LAMA2: variants seen among roughly 807,000 people sequenced by gnomAD.
LAMA2 encodes laminin subunit alpha 2, also known as laminin subunit alpha-2.
LAMA2 carries 269 observed loss-of-function variants against 364.8 expected under a neutral mutation model. That is an observed-to-expected ratio of 0.74 (90% confidence interval 0.67 to 0.82). The LOEUF (loss-of-function observed/expected upper bound fraction) is 0.82. LAMA2 is among the 40% of genes least tolerant of loss of function. The pLI is 0.00. For missense variants in LAMA2, 3,807 were observed against 3,873.2 expected (o/e 0.98, Z 0.45); for synonymous variants, 1,379 against 1,370.6 (o/e 1.01, Z -0.14).
Position 129,084,299 on chromosome 6 carries a change from T to G in LAMA2, c.397-13874T>G, listed in dbSNP as rs902590030. 2.0e-5 allele frequency among the ~76,000 whole-genome samples: 3 copies of G among 152,302 alleles called. No individual in the cohort carries two copies. In the South Asian group the frequency reaches 6.2e-4, roughly 32 times the overall value. On this transcript the variant is annotated intron_variant, in intron 3 of 64. Coordinates refer to ENST00000421865, the MANE Select transcript of LAMA2 (RefSeq NM_000426.4). Reference sequence around the variant, plus strand: ...TCTCTTTTCAACCTCCTAAAAAGATTACTGAGAATGTAGATATTTAAATGT... The same window carrying G: ...TCTCTTTTCAACCTCCTAAAAAGATGACTGAGAATGTAGATATTTAAATGT...
intron 1 of LAMA2, among the ~76,000 whole-genome samples, chr6:128,886,068 G>A (rs140818022): frequency 4.6e-5 from 7 of 152,254 alleles, no homozygotes; most frequent in East Asian, 3.9e-4. Flanking sequence ...AGGTCAATCC[G>A]GAAAGAAGTC....
chr6:129,100,958 A>G (rs1296896794), intron 4 of LAMA2, among the ~76,000 whole-genome samples: 3 of 152,216 alleles, frequency 2.0e-5, no homozygotes, highest in African/African-American at 7.2e-5. Flanking sequence ...AAAGTTTTGG[A>G]TACTTTTCTC....
chr6:129,110,009 T>C lies in LAMA2; in HGVS notation c.639+11594T>C, dbSNP rs189324218. Among the ~76,000 whole-genome samples the C allele has an allele frequency of 2.7e-3, 415 of 152,128 alleles. 1 individual carries two copies. Among genetic ancestry groups the C allele is most frequent in the African/African-American group, 9.2e-3 (380 of 41,504 alleles). ...TTTCATTGTGTGGACCTGTTACTTC[T>C]TGTGTGAAAAACAGTATGGTTTCAT... On this transcript the variant is annotated intron_variant, in intron 4 of 64. Coordinates refer to ENST00000421865, the MANE Select transcript of LAMA2 (RefSeq NM_000426.4).
Position 129,440,955 on chromosome 6 carries a change from C to T in LAMA2, c.6225C>T (p.Ser2075=), listed in dbSNP as rs758692038. 1.1e-5 allele frequency: 17 copies of T among 1,613,820 alleles called. No homozygotes were observed. The East Asian group carries it at 1.3e-4, about 13-fold the overall frequency. ...AGAATTACAATAAACTAGCAGACAG[C>T]GTCGCCAAAACGAATGCTGTGGTTA... ...LKKNYNKLAD[S]VAKTNAVVKD... is the part of the protein sequence containing the mutation. Residue 2075 remains serine (S), a synonymous_variant, in exon 43 of 65, where the codon AGC becomes AGT. Coordinates refer to ENST00000421865, the MANE Select transcript of LAMA2 (RefSeq NM_000426.4).
At chr6:129,262,818 C>T (rs187849084) in intron 15 of LAMA2, among the ~76,000 whole-genome samples, 89 of 152,224 alleles carry the variant, frequency 5.8e-4, no homozygotes, top group Middle Eastern at 3.4e-3. Context: ...GCTGAGTAAA[C>T]GCCAAAGACC....
intron 4 of LAMA2, among the ~76,000 whole-genome samples, chr6:129,105,804 C>T (rs1007136111): frequency 3.9e-5 from 6 of 151,994 alleles, no homozygotes; most frequent in South Asian, 2.1e-4. Context: ...TTGAGGAGGA[C>T]GAACTTTCTA....
In LAMA2 at chr6:129,332,883, ATTTTTTTTTTTT is replaced by A. The variant is rs10590805; in HGVS notation, c.4311+4487_4311+4498del. ...TGATTCAGTTATTGTTAAGTTTACCATTTTTTTTTTTTTTTTTTTTTTTTTTTGAGAGGGAGT... is the reference window on the plus strand; with the variant it reads ...TGATTCAGTTATTGTTAAGTTTACCATTTTTTTTTTTTTTTGAGAGGGAGT... On this transcript the variant is annotated intron_variant, in intron 29 of 64. Coordinates refer to ENST00000421865, the MANE Select transcript of LAMA2 (RefSeq NM_000426.4). Among the ~76,000 whole-genome samples, 15 of 104,390 alleles carry A rather than the reference ATTTTTTTTTTTT, an allele frequency of 1.4e-4. 1 individual carries two copies. The highest frequency in any genetic ancestry group is 5.4e-4 in the African/African-American group (13 of 23,948). The allele number at this position is 104,390 out of a possible 152,430, so 68.5% of individuals were successfully genotyped here. A position where few individuals can be genotyped will look rare whatever the true frequency, so the allele number is the denominator to read the frequency against.
chr6:129,251,248 TC>T (rs1432025070), intron 13 of LAMA2, among the ~76,000 whole-genome samples: 1 of 152,058 alleles, frequency 6.6e-6, no homozygotes, highest in Non-Finnish European at 1.5e-5. Flanking sequence ...TTCAATATAC[TC>T]CTTAGATGCC....
At chr6:129,428,460 T>C (rs1175961477) in intron 41 of LAMA2, among the ~76,000 whole-genome samples, 3 of 152,084 alleles carry the variant, frequency 2.0e-5, no homozygotes, top group African/African-American at 7.2e-5. Flanking sequence ...ATTAAATACA[T>C]TTTTCTTTTT....
At chr6:129,330,722 C>T (rs535162503) in intron 29 of LAMA2, among the ~76,000 whole-genome samples, 9 of 150,504 alleles carry the variant, frequency 6.0e-5, no homozygotes, top group African/African-American at 2.2e-4. Flanking sequence ...TTATCTCATG[C>T]TTTCACTGTA....
intron 1 of LAMA2, among the ~76,000 whole-genome samples, chr6:128,920,550 C>T (rs1778635926): frequency 6.6e-6 from 1 of 152,096 alleles, no homozygotes; most frequent in African/African-American, 2.4e-5. Flanking sequence ...TGGCTCTATT[C>T]TTCCCCTAAT....
intron 12 of LAMA2, among the ~76,000 whole-genome samples, chr6:129,231,767 A>G (rs1490335733): frequency 6.6e-6 from 1 of 152,004 alleles, no homozygotes. Flanking sequence ...AAAACCAACT[A>G]AGTTTTTTAT....
chr6:128,932,905 T>A (rs546993509), intron 1 of LAMA2, among the ~76,000 whole-genome samples: 1 of 152,316 alleles, frequency 6.6e-6, no homozygotes, highest in African/African-American at 2.4e-5. Flanking sequence ...TACAATATTA[T>A]TAACTATAGT....
chr6:129,475,071 T>C (rs1488153233), intron 52 of LAMA2, among the ~76,000 whole-genome samples: 1 of 152,162 alleles, frequency 6.6e-6, no homozygotes, highest in Non-Finnish European at 1.5e-5. Flanking sequence ...TCATGAACAC[T>C]ACAGAATAGT....
At chr6:129,416,159 C>A (rs1320985291) in intron 40 of LAMA2, among the ~76,000 whole-genome samples, 1 of 111,806 alleles carries the variant, frequency 8.9e-6, no homozygotes, top group Admixed American at 8.6e-5. Context: ...CCGTTTTAGC[C>A]GGGATGGTCT....
chr6:129,154,124 A>G (rs747199645), intron 7 of LAMA2, among the ~76,000 whole-genome samples: 15 of 152,162 alleles, frequency 9.9e-5, no homozygotes, highest in Non-Finnish European at 1.6e-4. Flanking sequence ...GTATGGTATA[A>G]AAGTCTAGGC....
chr6:129,406,112 C>A (rs1374166677), intron 40 of LAMA2, among the ~76,000 whole-genome samples: 2 of 151,964 alleles, frequency 1.3e-5, no homozygotes, highest in African/African-American at 2.4e-5. Flanking sequence ...AGAAAAGAAA[C>A]AAAGAAATGA....
chr6:129,041,777 A>G (rs1231556498), intron 1 of LAMA2, among the ~76,000 whole-genome samples: 1 of 151,986 alleles, frequency 6.6e-6, no homozygotes, highest in Non-Finnish European at 1.5e-5. Flanking sequence ...CTGAGGTGGG[A>G]GCATTGCCTG....
In LAMA2 at chr6:129,330,604, T is replaced by G. The variant is rs200990733; in HGVS notation, c.4311+2192T>G. On this transcript the variant is annotated intron_variant, in intron 29 of 64. Coordinates refer to ENST00000421865, the MANE Select transcript of LAMA2 (RefSeq NM_000426.4). Reference sequence around the variant, plus strand: ...TTGTTGTTGTTTGGTTTTTGTTTTTTTTTTTTTTTTTCCCACTGTGTCGTT... The same window carrying G: ...TTGTTGTTGTTTGGTTTTTGTTTTTGTTTTTTTTTTTCCCACTGTGTCGTT... Among the ~76,000 whole-genome samples, 135 of 148,890 alleles carry G rather than the reference T, an allele frequency of 9.1e-4. 4 individuals carry two copies. The highest frequency in any genetic ancestry group is 7.8e-3 in the Admixed American group (116 of 14,920).
Sources: gnomAD v4.1 joint callset for allele counts (sites outside exome capture counted in the v4.1 genomes callset) on GRCh38, gnomAD v4.1.1 for gene constraint, MANE v1.5 for transcripts, NCBI Gene and HGNC (gene_info 2026-07-23, HGNC 2026-07-21) for gene names.